Variants in TECPR2 observed in about 807,000 individuals in gnomAD.
TECPR2 encodes the protein tectonin beta-propeller repeat-containing protein 2.
In TECPR2, 65 loss-of-function variants were observed where a neutral mutation model predicts 138.1. That is an observed-to-expected ratio of 0.47 (90% CI 0.39 to 0.58). The LOEUF (loss-of-function observed/expected upper bound fraction) is 0.58, where lower values mean the gene tolerates loss of function less well. Among genes scored for constraint, TECPR2 ranks in the 20% least tolerant of loss-of-function variants. The pLI is 0.00. For missense variants in TECPR2, 1,553 were observed against 1,824.5 expected (o/e 0.85, Z 2.71); for synonymous variants, 746 against 749.8 (o/e 0.99, Z 0.08).
intron 10 of TECPR2, among the ~76,000 whole-genome samples, chr14:102,438,863 C>T (rs866753344): frequency 6.3e-4 from 81 of 128,644 alleles, no homozygotes; most frequent in Admixed American, 1.2e-3. Flanking sequence ...TTCTTTCTTT[C>T]TTTTTTTTTT....
At chr14:102,430,640 C>T (rs1889446459) in intron 7 of TECPR2, among the ~76,000 whole-genome samples, 1 of 152,224 alleles carries the variant, frequency 6.6e-6, no homozygotes, top group South Asian at 2.1e-4. Context: ...TGGAACTGCT[C>T]TGGCCTTGTG....
At chr14:102,370,789 C>G (rs1315189643) in intron 1 of TECPR2, among the ~76,000 whole-genome samples, 2 of 152,090 alleles carry the variant, frequency 1.3e-5, no homozygotes, top group African/African-American at 4.8e-5. Flanking sequence ...CCAGAGAGAG[C>G]TGCAGGTGAG....
rs1889877461 is a variant in TECPR2, at chr14:102,443,104, C to T, written c.2753-543C>T. Among the ~76,000 whole-genome samples the T allele has an allele frequency of 6.6e-6, 1 of 152,254 alleles. No homozygotes were observed. The highest frequency in any genetic ancestry group is 1.5e-5 in the Non-Finnish European group (1 of 68,042). ...AGCTCTCTGCAGGAACGACTGCAGG[C>T]CTCAGGTCCCTGCCAACTCCAGCAG... On this transcript the variant is annotated intron_variant, in intron 11 of 19. Coordinates refer to ENST00000359520, the MANE Select transcript of TECPR2 (RefSeq NM_014844.5). The surrounding 1 kb of genome is among the most constrained non-coding windows in gnomAD (Gnocchi z 4.9).
At chr14:102,385,220 C>A (rs527931506) in intron 2 of TECPR2, among the ~76,000 whole-genome samples, 1 of 152,190 alleles carries the variant, frequency 6.6e-6, no homozygotes, top group East Asian at 1.9e-4. Flanking sequence ...GGAAGCCAGA[C>A]TCTTTTTAAC....
chr14:102,477,807 C>T lies in TECPR2; in HGVS notation c.3789+12518C>T, dbSNP rs1398619795. Among the ~76,000 whole-genome samples, 7 of 137,600 alleles carry T rather than the reference C, an allele frequency of 5.1e-5. No individual in the cohort carries two copies. The East Asian group carries it at 1.4e-3, about 27-fold the overall frequency. The allele number at this position is 137,600 out of a possible 152,430, so 90.3% of individuals were successfully genotyped here. ...AAAATTAGCCAGGCGTGGTGGCGGG[C>T]GCCTGTAGTCCCAGCTACTCAGGAG... On this transcript the variant is annotated intron_variant, in intron 17 of 19. Coordinates refer to ENST00000359520, the MANE Select transcript of TECPR2 (RefSeq NM_014844.5).
intron 16 of TECPR2, among the ~76,000 whole-genome samples, chr14:102,457,356 A>G (rs1890300064): frequency 6.6e-6 from 1 of 152,168 alleles, no homozygotes; most frequent in African/African-American, 2.4e-5. Context: ...AAGTGCTGGG[A>G]TTACAGGTGT....
rs1000987641 is a variant in TECPR2 at position 102,414,756 on chromosome 14, A to G, written c.601A>G (p.Lys201Glu). The G allele has an allele frequency of 6.2e-6, 10 of 1,614,098 alleles. No homozygotes were observed. The highest frequency in any genetic ancestry group is 8.5e-6 in the Non-Finnish European group (10 of 1,180,044). Residue 201 changes from lysine (K) to glutamate (E), a missense_variant, in exon 5 of 20, where the codon AAG (lysine) becomes GAG (glutamate). Lys to Glu is a moderately conservative substitution (Grantham distance 56). Transcript: ENST00000359520. ...QRSLLFYTEEKSVRQIGTQPR... is the reference protein window; with the variant it reads ...QRSLLFYTEEESVRQIGTQPR... Reference sequence around the variant, plus strand: ...AAGTCTGCTCTTTTACACTGAAGAAAAGTCTGTAAGGCAAATTGGAACACA... The same window carrying G: ...AAGTCTGCTCTTTTACACTGAAGAAGAGTCTGTAAGGCAAATTGGAACACA...
At position 102,500,566 on chromosome 14, in the gene TECPR2, A is replaced by T. The variant is rs1891416454; in HGVS notation, c.*2309A>T. Reference sequence around the variant, plus strand: ...ACACGCAAAAGATGACGCCCAGCACAGCAGCAGGACACACCATGTGCCAGG... The same window carrying T: ...ACACGCAAAAGATGACGCCCAGCACTGCAGCAGGACACACCATGTGCCAGG... On this transcript the variant is annotated 3_prime_UTR_variant, in exon 20 of 20. Transcript: ENST00000359520. 1 of 152,344 alleles carries T rather than the reference A, an allele frequency of 6.6e-6. No homozygotes were observed. The highest frequency in any genetic ancestry group is 1.5e-5 in the Non-Finnish European group (1 of 68,100). The allele number at this position is 152,344 out of a possible 1,614,324, so 9.4% of individuals were successfully genotyped here. A position where few individuals can be genotyped will look rare whatever the true frequency, so the allele number is the denominator to read the frequency against.
Position 102,499,516 on chromosome 14 carries a change from C to T in TECPR2, c.*1259C>T, listed in dbSNP as rs1891388140. ...ACAGACTTGACTGGCAGGGCGGTCA[C>T]GGGACCTGCGGGCTGGCTCCGAGTG... On this transcript the variant is annotated 3_prime_UTR_variant, in exon 20 of 20. Coordinates refer to ENST00000359520, the MANE Select transcript of TECPR2 (RefSeq NM_014844.5). The T allele has an allele frequency of 3.0e-5, 13 of 435,776 alleles. 1 individual carries two copies. Among genetic ancestry groups the T allele is most frequent in the South Asian group, 2.3e-4 (9 of 38,646 alleles). 27.0% of individuals were successfully genotyped at this position (435,776 alleles called of 1,614,324 possible).
chr14:102,395,859 G>C (rs1440640760), intron 2 of TECPR2, among the ~76,000 whole-genome samples: 1 of 152,146 alleles, frequency 6.6e-6, no homozygotes, highest in African/African-American at 2.4e-5. Context: ...TAGGATTATT[G>C]ATCTGAAAAC....
At chr14:102,450,729 G>T in intron 15 of TECPR2, 80 bp downstream of exon 15, 1 of 1,439,032 alleles carries the variant, frequency 6.9e-7, no homozygotes, top group Admixed American at 1.8e-5. Context: ...TCGGACTGTG[G>T]CCTTGTTGGT....
chr14:102,372,970 T>C (rs948770121), intron 1 of TECPR2, among the ~76,000 whole-genome samples: 3 of 152,168 alleles, frequency 2.0e-5, no homozygotes, highest in Admixed American at 1.3e-4. Context: ...AAAAGAAACC[T>C]TTATTTTTAA....
At chr14:102,398,209 C>T (rs1412503426) in intron 2 of TECPR2, among the ~76,000 whole-genome samples, 1 of 151,140 alleles carries the variant, frequency 6.6e-6, no homozygotes. Context: ...AATACAATAA[C>T]TGAAATGAGA....
intron 2 of TECPR2, among the ~76,000 whole-genome samples, chr14:102,386,208 C>G (rs1247137600): frequency 6.6e-6 from 1 of 152,034 alleles, no homozygotes; most frequent in East Asian, 1.9e-4. Flanking sequence ...GTGGCTCACG[C>G]CTATAATCCC....
chr14:102,376,522 A>C, intron 1 of TECPR2, 128 bp from the exon 2 acceptor site: 1 of 588,286 alleles, frequency 1.7e-6, no homozygotes, highest in Non-Finnish European at 3.0e-6. Flanking sequence ...ACACGTGTTT[A>C]CTTTCCCTGT....
chr14:102,488,880 T>A (rs1891097814), intron 17 of TECPR2, among the ~76,000 whole-genome samples: 2 of 151,916 alleles, frequency 1.3e-5, no homozygotes, highest in African/African-American at 4.8e-5. Flanking sequence ...TCCAGAACAT[T>A]CTTTTTTTTT....
intron 13 of TECPR2, 41 bp downstream of exon 13, chr14:102,445,988 C>T (rs1372457964): frequency 6.4e-7 from 1 of 1,571,046 alleles, no homozygotes; most frequent in Non-Finnish European, 8.7e-7. Flanking sequence ...GGTCTCCCGA[C>T]CTTTTCTGCT....
At chr14:102,379,574 G>A (rs1052522058) in intron 2 of TECPR2, among the ~76,000 whole-genome samples, 3 of 149,826 alleles carry the variant, frequency 2.0e-5, no homozygotes, top group African/African-American at 7.4e-5. Context: ...ATGCACAGAG[G>A]CACCCTAGTC....
intron 5 of TECPR2, among the ~76,000 whole-genome samples, chr14:102,416,193 C>G (rs558821781): frequency 6.6e-6 from 1 of 152,208 alleles, no homozygotes; most frequent in Admixed American, 6.5e-5. Flanking sequence ...GCGATCTTGG[C>G]TCACTGCAAC....
Sources: gnomAD v4.1 joint callset for allele counts (sites outside exome capture counted in the v4.1 genomes callset) on GRCh38, gnomAD v4.1.1 for gene constraint, Gnocchi (gnomAD v3.1) non-coding constraint, MANE v1.5 for transcripts, NCBI Gene and HGNC (gene_info 2026-07-23, HGNC 2026-07-21) for gene names.